Variants in SFMBT2 observed in about 807,000 individuals in gnomAD.
SFMBT2 encodes scm-like with four MBT domains protein 2.
A neutral mutation model predicts 110.1 loss-of-function variants in SFMBT2; 38 were observed. The ratio of observed to expected loss-of-function variants is 0.35; its 90% CI spans 0.27 to 0.45. The LOEUF (loss-of-function observed/expected upper bound fraction) is 0.45, where lower values mean the gene tolerates loss of function less well. Among genes scored for constraint, SFMBT2 ranks in the 20% least tolerant of loss-of-function variants. SFMBT2 has a pLI of 1.00. For missense variants in SFMBT2, 1,011 were observed against 1,094.9 expected (o/e 0.92, Z 1.08); for synonymous variants, 425 against 425.4 (o/e 1.00, Z 0.01).
At chr10:7,323,894 CATAGGCAGAGACAGAGAT>C (rs1368929672) in intron 4 of SFMBT2, among the ~76,000 whole-genome samples, 18 of 152,130 alleles carry the variant, frequency 1.2e-4, no homozygotes, top group African/African-American at 4.3e-4. Flanking sequence ...GAGACAGAGA[CATAGGCAGAGACAGAGAT>C]ATATCCCAAA....
At chr10:7,318,897 G>C (rs1843091585) in intron 4 of SFMBT2, among the ~76,000 whole-genome samples, 1 of 152,220 alleles carries the variant, frequency 6.6e-6, no homozygotes, top group Non-Finnish European at 1.5e-5. Flanking sequence ...AAGGAATTGA[G>C]AGTAAACCAT....
chr10:7,205,446 TAGG>T (rs1339488151), intron 12 of SFMBT2: 2 of 985,220 alleles, frequency 2.0e-6, no homozygotes, highest in East Asian at 2.3e-4. Flanking sequence ...AAGATTCTGT[TAGG>T]AGAAGCTACA....
intron 11 of SFMBT2, among the ~76,000 whole-genome samples, chr10:7,207,742 C>T (rs1428488033): frequency 1.3e-5 from 2 of 152,180 alleles, no homozygotes; most frequent in Non-Finnish European, 2.9e-5. Context: ...GACTTTTCAT[C>T]GTCAAGTAGA....
At chr10:7,205,469 T>C (rs1360641846) in intron 12 of SFMBT2, 1 of 984,932 alleles carries the variant, frequency 1.0e-6, no homozygotes, top group Non-Finnish European at 1.2e-6. Flanking sequence ...ATGAGAAAAA[T>C]CAGTTCTTTT....
chr10:7,371,865 G>A (rs2132060097), intron 2 of SFMBT2, among the ~76,000 whole-genome samples: 1 of 151,388 alleles, frequency 6.6e-6, no homozygotes. Flanking sequence ...GGGGACATGG[G>A]GCCAAATAAG....
rs200672751 is a variant in SFMBT2 at position 7,171,885 on chromosome 10, C to T, written c.2415+10G>A. The T allele has an allele frequency of 5.6e-5, 79 of 1,412,254 alleles. No homozygotes were observed. In the East Asian group the frequency reaches 1.1e-3, roughly 20 times the overall value. 87.5% of individuals were successfully genotyped at this position (1,412,254 alleles called of 1,614,324 possible). On this transcript the variant is annotated intron_variant, in intron 19 of 20. Transcript: ENST00000397167. This position sits in a 1 kb window ranked among gnomAD's most constrained non-coding sequence, Gnocchi z 4.9. Reference sequence around the variant, plus strand: ...GCGGGAAGCCCTCTGTCCCCACGCCCGGGCATCACCTCTGTCCCCTCGGGC... The same window carrying T: ...GCGGGAAGCCCTCTGTCCCCACGCCTGGGCATCACCTCTGTCCCCTCGGGC...
intron 9 of SFMBT2, among the ~76,000 whole-genome samples, chr10:7,240,095 A>G (rs1840384633): frequency 6.6e-6 from 1 of 152,198 alleles, no homozygotes; most frequent in East Asian, 1.9e-4. Context: ...AAAAGAAAAA[A>G]AGATAAAAAT....
intron 4 of SFMBT2, among the ~76,000 whole-genome samples, chr10:7,315,087 A>AGAAAGAAG (rs1491460342): frequency 6.8e-6 from 1 of 146,364 alleles, no homozygotes; most frequent in East Asian, 1.9e-4. Context: ...AAAGAAAGAA[A>AGAAAGAAG]GAAAGAAAGA....
chr10:7,250,171 C>G (rs1840755931), intron 7 of SFMBT2, among the ~76,000 whole-genome samples: 2 of 152,162 alleles, frequency 1.3e-5, no homozygotes, highest in African/African-American at 2.4e-5. Flanking sequence ...AGGTTTGTTA[C>G]ATGGGCATAC....
At chr10:7,349,714 C>T (rs1844249314) in intron 4 of SFMBT2, among the ~76,000 whole-genome samples, 1 of 151,936 alleles carries the variant, frequency 6.6e-6, no homozygotes, top group Admixed American at 6.6e-5. Flanking sequence ...CTGTCTCGGC[C>T]TCCCAAAGTG....
At position 7,248,586 on chromosome 10, in the gene SFMBT2, A is replaced by G. The variant is rs370903594; in HGVS notation, c.934T>C (p.Cys312Arg). 5.1e-5 allele frequency: 83 copies of G among 1,614,084 alleles called. No homozygotes were observed. In the East Asian group the frequency reaches 6.7e-4, roughly 13 times the overall value. ...VGMKLETVNMCEPFYISPASV... is the reference protein window; with the variant it reads ...VGMKLETVNMREPFYISPASV... ...GCAGGAGAGATGTAAAAGGGCTCGC[A>G]CATATTCACTGTCTCAAGCTTCATC... is the stretch of plus-strand genomic sequence containing the variant. The change falls in exon 8 of 21, where the codon TGC becomes CGC. Residue 312 changes from cysteine to arginine, a missense_variant. Coordinates refer to ENST00000397167, the MANE Select transcript of SFMBT2 (RefSeq NM_001387889.1).
chr10:7,226,970 C>G (rs1366063038), intron 10 of SFMBT2, among the ~76,000 whole-genome samples: 2 of 152,188 alleles, frequency 1.3e-5, no homozygotes, highest in Admixed American at 6.5e-5. Context: ...TTTCTCAGAA[C>G]ATAACCCCAT....
rs750459064 is a variant in SFMBT2, at chr10:7,319,772, CAGAG to C, written c.437-33822_437-33819del. ...AGAGAGAGAGAGACAGAGAGAGACA[CAGAG>C]AGAGAGAGAGGGAGAGACAGACAGA... On this transcript the variant is annotated intron_variant, in intron 4 of 20. Transcript: ENST00000397167. Among the ~76,000 whole-genome samples, 495 of 126,854 alleles carry C rather than the reference CAGAG, an allele frequency of 3.9e-3. 3 individuals are homozygous for C. Among genetic ancestry groups the C allele is most frequent in the East Asian group, 0.017 (72 of 4,320 alleles). 83.2% of individuals were successfully genotyped at this position (126,854 alleles called of 152,430 possible).
chr10:7,271,352 G>A (rs2462719), intron 7 of SFMBT2, among the ~76,000 whole-genome samples: 59 of 150,616 alleles, frequency 3.9e-4, no homozygotes, highest in African/African-American at 1.4e-3. Context: ...ATGAATTCAC[G>A]CATTTATTGG....
intron 7 of SFMBT2, among the ~76,000 whole-genome samples, 158 bp from the exon 8 acceptor site, chr10:7,248,807 C>T (rs533111526): frequency 1.3e-5 from 2 of 152,168 alleles, no homozygotes; most frequent in African/African-American, 2.4e-5. Context: ...CCAGATACCA[C>T]GGATTTAATT....
At chr10:7,343,318 G>A (rs1245139084) in intron 4 of SFMBT2, among the ~76,000 whole-genome samples, 1 of 151,982 alleles carries the variant, frequency 6.6e-6, no homozygotes, top group East Asian at 1.9e-4. Context: ...TTGATTCCAT[G>A]CCTTTGCTAT....
chr10:7,306,588 A>C (rs2131892328), intron 4 of SFMBT2, among the ~76,000 whole-genome samples: 1 of 152,320 alleles, frequency 6.6e-6, no homozygotes, highest in South Asian at 2.1e-4. Flanking sequence ...CAGGTATTCT[A>C]AGAGTAGGAT....
At chr10:7,210,178 C>T (rs543460809) in intron 11 of SFMBT2, among the ~76,000 whole-genome samples, 18 of 152,272 alleles carry the variant, frequency 1.2e-4, no homozygotes, top group South Asian at 4.1e-4. Context: ...AAACACACCA[C>T]GGCTCCACCC....
chr10:7,300,725 A>G (rs184088010), intron 4 of SFMBT2, among the ~76,000 whole-genome samples: 7 of 152,364 alleles, frequency 4.6e-5, no homozygotes, highest in Non-Finnish European at 7.3e-5. Flanking sequence ...TCTGGCACTG[A>G]GCAGAAATCT....
Sources: allele counts gnomAD v4.1 joint callset (sites outside exome capture counted in the v4.1 genomes callset), GRCh38; gene constraint gnomAD v4.1.1; non-coding constraint Gnocchi (gnomAD v3.1); transcripts MANE v1.5; gene names NCBI Gene and HGNC (gene_info 2026-07-23, HGNC 2026-07-21).